Variants in FIP1L1 observed in about 807,000 individuals in gnomAD.
The protein encoded by FIP1L1 is pre-mRNA 3'-end-processing factor FIP1.
Under a neutral mutation model 84.6 loss-of-function variants are expected in FIP1L1, and 21 were observed. The observed-to-expected ratio is 0.25, with a 90% CI of 0.18 to 0.36. FIP1L1 has a LOEUF of 0.36. Ranked by LOEUF, FIP1L1 falls within the 10% of genes least tolerant of loss-of-function variation. FIP1L1 has a pLI of 1.00. For synonymous variants in FIP1L1, 263 were observed against 242.3 expected, an observed-to-expected ratio of 1.09 and a Z score of -0.80; for missense variants, 526 against 751.1, an observed-to-expected ratio of 0.70 and a Z score of 3.50.
chr4:53,399,735 G>A lies in FIP1L1; in HGVS notation c.711G>A (p.Gln237=), dbSNP rs765899567. ...QDGRFNLFKV[Q]QGRTGNSEKE... is the part of the protein sequence containing the mutation. ...AATAACCTTTTTTTTTTAAGGTACA[G>A]CAGGGAAGAACTGGAAACTCAGAGA... The change falls in exon 10 of 18, where the codon CAG becomes CAA. Residue 237 remains glutamine (Q), a synonymous_variant. Transcript: ENST00000337488. 15 of 1,607,714 alleles carry A rather than the reference G, an allele frequency of 9.3e-6. No individual in the cohort carries two copies. Among genetic ancestry groups the A allele is most frequent in the Non-Finnish European group, 1.3e-5 (15 of 1,175,524 alleles).
At chr4:53,418,592 T>C (rs1309911291) in intron 11 of FIP1L1, among the ~76,000 whole-genome samples, 1 of 152,242 alleles carries the variant, frequency 6.6e-6, no homozygotes, top group Non-Finnish European at 1.5e-5. Flanking sequence ...GGATGATTGC[T>C]GTAAACATAT....
intron 9 of FIP1L1, among the ~76,000 whole-genome samples, chr4:53,395,524 G>T (rs1314269141): frequency 6.6e-6 from 1 of 152,070 alleles, no homozygotes; most frequent in Non-Finnish European, 1.5e-5. Flanking sequence ...CTATAGTCTA[G>T]GCATTTATTG....
At chr4:53,408,028 C>A (rs1203836486) in intron 10 of FIP1L1, among the ~76,000 whole-genome samples, 1 of 152,240 alleles carries the variant, frequency 6.6e-6, no homozygotes, top group East Asian at 1.9e-4. Flanking sequence ...TGAATTTGAT[C>A]CTGTCATTAT....
chr4:53,421,837 G>A (rs1000038480), intron 11 of FIP1L1, among the ~76,000 whole-genome samples: 5 of 152,140 alleles, frequency 3.3e-5, no homozygotes, highest in African/African-American at 9.7e-5. Flanking sequence ...CCTGGAAATT[G>A]CATCTATACA....
intron 10 of FIP1L1, among the ~76,000 whole-genome samples, chr4:53,405,500 T>C: frequency 6.6e-6 from 1 of 151,678 alleles, no homozygotes; most frequent in Non-Finnish European, 1.5e-5. Context: ...GGCTCTTTTT[T>C]GGTTCCATAT....
At chr4:53,431,931 A>G (rs983816691) in intron 13 of FIP1L1, among the ~76,000 whole-genome samples, 1 of 152,230 alleles carries the variant, frequency 6.6e-6, no homozygotes, top group Admixed American at 6.5e-5. Context: ...CTGCAAACGT[A>G]TATGAAACTT....
intron 11 of FIP1L1, among the ~76,000 whole-genome samples, chr4:53,424,105 A>G (rs545226504): frequency 6.6e-6 from 1 of 152,328 alleles, no homozygotes; most frequent in South Asian, 2.1e-4. Context: ...TTAAAAATGC[A>G]AAGGAGAGAG....
At chr4:53,453,668 A>G (rs1717333949) in intron 16 of FIP1L1, among the ~76,000 whole-genome samples, 1 of 152,134 alleles carries the variant, frequency 6.6e-6, no homozygotes, top group South Asian at 2.1e-4. Flanking sequence ...TTCCCAATGC[A>G]TTGTTCCCTA....
intron 9 of FIP1L1, among the ~76,000 whole-genome samples, 175 bp downstream of exon 9, chr4:53,391,673 A>G (rs1744301166): frequency 6.6e-6 from 1 of 152,216 alleles, no homozygotes; most frequent in Non-Finnish European, 1.5e-5. Flanking sequence ...TTTTGCAAGC[A>G]TGTGAATTTA....
At chr4:53,429,300 T>C (rs755234328) in intron 13 of FIP1L1, among the ~76,000 whole-genome samples, 1 of 152,238 alleles carries the variant, frequency 6.6e-6, no homozygotes, top group Non-Finnish European at 1.5e-5. Context: ...TAGAGGTCCT[T>C]ATTCCAGACA....
intron 9 of FIP1L1, among the ~76,000 whole-genome samples, chr4:53,399,239 T>C (rs752039032): frequency 6.6e-6 from 1 of 152,160 alleles, no homozygotes; most frequent in Non-Finnish European, 1.5e-5. Flanking sequence ...ATGGGAGAAA[T>C]TGTATGGATG....
intron 6 of FIP1L1, 90 bp from the exon 7 acceptor site, chr4:53,390,431 G>A (rs1743650236): frequency 1.3e-6 from 1 of 749,808 alleles, no homozygotes; most frequent in East Asian, 2.6e-5. Context: ...GCCAGGAATA[G>A]TAAAAAGGTG....
chr4:53,393,403 T>TG (rs2149407578), intron 9 of FIP1L1, among the ~76,000 whole-genome samples: 1 of 152,356 alleles, frequency 6.6e-6, no homozygotes, highest in African/African-American at 2.4e-5. Flanking sequence ...TTATTTACTT[T>TG]TCATTAAACA....
intron 13 of FIP1L1, among the ~76,000 whole-genome samples, chr4:53,432,725 G>T (rs975462325): frequency 3.3e-5 from 5 of 152,182 alleles, no homozygotes; most frequent in African/African-American, 1.2e-4. Context: ...TAAGTCATCT[G>T]AGTAATAGCT....
chr4:53,457,546 C>T (rs1433934765), intron 16 of FIP1L1, among the ~76,000 whole-genome samples: 1 of 152,028 alleles, frequency 6.6e-6, no homozygotes, highest in Non-Finnish European at 1.5e-5. Flanking sequence ...ATTACTTTTG[C>T]TAGAACACAG....
chr4:53,404,469 C>G (rs1752095371), intron 10 of FIP1L1, among the ~76,000 whole-genome samples: 1 of 152,112 alleles, frequency 6.6e-6, no homozygotes, highest in Non-Finnish European at 1.5e-5. Flanking sequence ...CTGCAATAGA[C>G]ATACGTGTGC....
At chr4:53,441,151 A>G (rs1055032151) in intron 13 of FIP1L1, among the ~76,000 whole-genome samples, 7 of 151,026 alleles carry the variant, frequency 4.6e-5, no homozygotes, top group East Asian at 1.9e-4. Flanking sequence ...CCAGTGTTTT[A>G]TTTATTTATT....
intron 11 of FIP1L1, among the ~76,000 whole-genome samples, chr4:53,416,762 A>G (rs1186562620): frequency 6.6e-5 from 10 of 152,176 alleles, no homozygotes; most frequent in Admixed American, 1.3e-4. Context: ...TCAGGAGTTC[A>G]AGACCAGCCT....
At chr4:53,436,039 C>T (rs758463094) in intron 13 of FIP1L1, among the ~76,000 whole-genome samples, 5 of 151,692 alleles carry the variant, frequency 3.3e-5, no homozygotes, top group South Asian at 2.1e-4. Flanking sequence ...ATAATAGTGC[C>T]GACGGAACTT....
Sources: allele counts gnomAD v4.1 joint callset (sites outside exome capture counted in the v4.1 genomes callset), GRCh38; gene constraint gnomAD v4.1.1; transcripts MANE v1.5; gene names NCBI Gene and HGNC (gene_info 2026-07-23, HGNC 2026-07-21).